The following UFD1 variants were observed in gnomAD, a reference collection of about 807,000 sequenced individuals.
UFD1 encodes the protein ubiquitin recognition factor in ER associated degradation 1.
A neutral mutation model predicts 45.9 loss-of-function variants in UFD1; 13 were observed. The ratio of observed to expected loss-of-function variants is 0.28; its 90% CI spans 0.18 to 0.45. The LOEUF is 0.45. Among genes scored for constraint, UFD1 ranks in the 20% least tolerant of loss-of-function variants. UFD1 has a pLI of 1.00. For missense variants in UFD1, 218 were observed against 389.2 expected (o/e 0.56, Z 3.70); for synonymous variants, 128 against 139.2 (o/e 0.92, Z 0.56).
chr22:19,466,714 C>T (rs778240142), intron 5 of UFD1: 3 of 152,372 alleles, frequency 2.0e-5, no homozygotes, highest in Non-Finnish European at 2.9e-5. Context: ...CCTGTAATCC[C>T]AGCTACTCAG....
intron 2 of UFD1, 139 bp downstream of exon 2, chr22:19,475,331 G>T: frequency 3.7e-6 from 5 of 1,358,064 alleles, no homozygotes; most frequent in Non-Finnish European, 3.0e-6. Context: ...AACAGAGCAA[G>T]TCAGGGATAA....
intron 4 of UFD1, chr22:19,470,861 C>G: frequency 2.2e-6 from 1 of 455,746 alleles, no homozygotes; most frequent in Admixed American, 2.3e-5. Context: ...AGACCACCTC[C>G]CTGGTGGCAG....
chr22:19,469,637 G>A (rs1052715716), intron 4 of UFD1, among the ~76,000 whole-genome samples: 3 of 152,202 alleles, frequency 2.0e-5, no homozygotes, highest in African/African-American at 7.2e-5. Context: ...CCTATTCCAG[G>A]CTGGCTCGCC....
intron 11 of UFD1, 132 bp from the exon 12 acceptor site, chr22:19,450,876 C>T (rs1031861114): frequency 6.5e-7 from 1 of 1,528,060 alleles, no homozygotes; most frequent in African/African-American, 1.4e-5. Context: ...TAGCTGACAC[C>T]TGTAATCCCA....
At chr22:19,456,964 C>G in intron 7 of UFD1, 46 bp from the exon 8 acceptor site, 1 of 1,305,684 alleles carries the variant, frequency 7.7e-7, no homozygotes, top group South Asian at 1.3e-5. Context: ...ACATGACCAC[C>G]CTTGGCTTCC....
At chr22:19,469,780 C>T (rs761562219) in intron 4 of UFD1, 108 of 447,352 alleles carry the variant, frequency 2.4e-4, no homozygotes, top group Non-Finnish European at 4.6e-4. Context: ...AGCTGGAAGG[C>T]CAGCTCAGGG....
At chr22:19,472,411 G>A (rs2089853234) in intron 3 of UFD1, among the ~76,000 whole-genome samples, 1 of 152,200 alleles carries the variant, frequency 6.6e-6, no homozygotes, top group African/African-American at 2.4e-5. Context: ...GGCACCACAC[G>A]GGGTAGAACC....
intron 11 of UFD1, chr22:19,452,389 C>T (rs2089689669): frequency 6.6e-6 from 1 of 152,188 alleles, no homozygotes; most frequent in Non-Finnish European, 1.5e-5. Context: ...GGGGTTAGGG[C>T]TTCAACACAG....
chr22:19,459,341 G>A (rs542015270), intron 6 of UFD1, among the ~76,000 whole-genome samples: 4 of 152,314 alleles, frequency 2.6e-5, no homozygotes, highest in Admixed American at 2.6e-4. Context: ...AGGGCCGTGC[G>A]TGGTGGCTCA....
chr22:19,453,786 T>G (rs777387519), intron 11 of UFD1: 3 of 985,560 alleles, frequency 3.0e-6, no homozygotes, highest in Non-Finnish European at 3.6e-6. Flanking sequence ...AGAAAAGAGT[T>G]CAGTAATTGG....
chr22:19,458,166 G>C, intron 6 of UFD1, 27 bp from the exon 7 acceptor site: 1 of 1,613,168 alleles, frequency 6.2e-7, no homozygotes, highest in South Asian at 1.1e-5. Flanking sequence ...GAAATCAGTT[G>C]GATGGTTTCC....
chr22:19,457,413 C>CT (rs1289654591), intron 7 of UFD1, among the ~76,000 whole-genome samples: 2 of 152,146 alleles, frequency 1.3e-5, no homozygotes, highest in Non-Finnish European at 2.9e-5. Context: ...TTGGGATTGG[C>CT]TTTTTTTGCT....
At chr22:19,459,086 GT>G (rs1289235557) in intron 6 of UFD1, among the ~76,000 whole-genome samples, 1 of 152,202 alleles carries the variant, frequency 6.6e-6, no homozygotes, top group Non-Finnish European at 1.5e-5. Context: ...TCAAAGTATG[GT>G]TTTTACTGAA....
At chr22:19,471,122 C>T (rs747195960) in intron 4 of UFD1, 15 of 461,226 alleles carry the variant, frequency 3.3e-5, no homozygotes, top group Non-Finnish European at 6.5e-5. Context: ...CTGAGGGGTA[C>T]AGCCTTGAGG....
chr22:19,463,862 CTT>C (rs2089784073), intron 6 of UFD1, among the ~76,000 whole-genome samples: 2 of 152,164 alleles, frequency 1.3e-5, no homozygotes. Context: ...TACATACACT[CTT>C]ATATAATGTA....
Position 19,450,734 on chromosome 22 carries a change from C to G in UFD1, c.860G>C (p.Gly287Ala), listed in dbSNP as rs1209216678. ...TCCAGAGAAAGCGACGAATCTGCCT[C>G]CAGCTTCATCCTAGGTTTGAAGAGA... ...LVKKVEEDEA[G>A]GRFVAFSGEG... Residue 287 changes from glycine (G) to alanine (A), a missense_variant, in exon 12 of 12, where the codon GGA becomes GCA. Physicochemically the swap from Gly to Ala is moderately conservative, Grantham distance 60. Coordinates refer to ENST00000263202, the MANE Select transcript of UFD1 (RefSeq NM_005659.7). 53 of 1,614,018 alleles carry G rather than the reference C, an allele frequency of 3.3e-5. No homozygotes were observed. Among genetic ancestry groups the G allele is most frequent in the Non-Finnish European group, 4.5e-5 (53 of 1,180,028 alleles).
intron 4 of UFD1, among the ~76,000 whole-genome samples, chr22:19,470,203 C>T (rs113412083): frequency 1.2e-4 from 18 of 152,146 alleles, no homozygotes; most frequent in African/African-American, 4.3e-4. Flanking sequence ...GGCATAAAAG[C>T]CCCCCAACAG....
chr22:19,475,228 T>C (rs2089873035), intron 2 of UFD1, 128 bp from the exon 3 acceptor site: 15 of 1,090,364 alleles, frequency 1.4e-5, no homozygotes, highest in Non-Finnish European at 2.0e-5. Context: ...AATGTCCCAG[T>C]GATCTTTCAT....
chr22:19,455,290 G>C (rs2089714257), intron 10 of UFD1, among the ~76,000 whole-genome samples: 1 of 152,228 alleles, frequency 6.6e-6, no homozygotes, highest in South Asian at 2.1e-4. Context: ...GGAACTTTCA[G>C]GGGAACTGAG....
Sources: allele counts gnomAD v4.1 joint callset (sites outside exome capture counted in the v4.1 genomes callset), GRCh38; gene constraint gnomAD v4.1.1; transcripts MANE v1.5; gene names NCBI Gene and HGNC (gene_info 2026-07-23, HGNC 2026-07-21).